Variants in KIF13A observed in about 807,000 individuals in gnomAD.
KIF13A encodes kinesin-like protein KIF13A.
Under a neutral mutation model 212.2 loss-of-function variants are expected in KIF13A, and 79 were observed. The ratio of observed to expected loss-of-function variants is 0.37; its 90% CI spans 0.31 to 0.45. The LOEUF is 0.45. KIF13A is among the 20% of genes least tolerant of loss of function. The pLI, the probability that KIF13A is intolerant of heterozygous loss-of-function variation, is 1.00. For synonymous variants in KIF13A, 789 were observed against 808.6 expected (o/e 0.98, Z 0.41); for missense variants, 1,901 against 2,209.0 (o/e 0.86, Z 2.79).
chr6:17,785,446 T>C lies in KIF13A; in HGVS notation c.3488+69A>G, dbSNP rs764691773. On this transcript the variant is annotated intron_variant, in intron 28 of 38. Coordinates refer to ENST00000259711, the MANE Select transcript of KIF13A (RefSeq NM_022113.6). This position sits in a 1 kb window ranked among gnomAD's most constrained non-coding sequence, Gnocchi z 5.8. ...TCTGTGACAATCCTGGAAAGTCTCT[T>C]GCATGGCTCTTGCCACAGGCGACCT... 6.3e-6 allele frequency: 9 copies of C among 1,429,828 alleles called. No individual in the cohort carries two copies. Among genetic ancestry groups the C allele is most frequent in the Middle Eastern group, 2.1e-4 (1 of 4,652 alleles). The allele number at this position is 1,429,828 out of a possible 1,614,324, so 88.6% of individuals were successfully genotyped here. A position where few individuals can be genotyped will look rare whatever the true frequency, so the allele number is the denominator to read the frequency against.
intron 23 of KIF13A, 98 bp downstream of exon 23, chr6:17,796,571 T>C: frequency 1.3e-6 from 1 of 796,488 alleles, no homozygotes; most frequent in East Asian, 3.0e-5. Context: ...AATGATTTTA[T>C]TTTTTTATAA....
intron 2 of KIF13A, among the ~76,000 whole-genome samples, chr6:17,972,964 C>T (rs1779948621): frequency 6.6e-6 from 1 of 152,098 alleles, no homozygotes. Context: ...TGAAGAGCCC[C>T]ATGGAATCAA....
At position 17,873,523 on chromosome 6, in the gene KIF13A, GAGA is replaced by G. The variant is rs1416643833; in HGVS notation, c.160-89_160-87del. On this transcript the variant is annotated intron_variant, in intron 3 of 38. Coordinates refer to ENST00000259711, the MANE Select transcript of KIF13A (RefSeq NM_022113.6). ...ACTAAAATAAATCACAGGTGAAGAT[GAGA>G]AGGATGGCCACTACTGTCTGACTGA... is the stretch of plus-strand genomic sequence containing the variant. The G allele has an allele frequency of 7.8e-6, 7 of 900,308 alleles. No individual in the cohort carries two copies. The African/African-American group carries it at 1.2e-4, about 15-fold the overall frequency. 55.8% of individuals were successfully genotyped at this position (900,308 alleles called of 1,614,324 possible).
At chr6:17,842,276 C>T (rs1766600756) in intron 9 of KIF13A, among the ~76,000 whole-genome samples, 1 of 151,990 alleles carries the variant, frequency 6.6e-6, no homozygotes, top group Non-Finnish European at 1.5e-5. Flanking sequence ...GTCTCGAACA[C>T]CTGGGCTCAA....
At chr6:17,821,991 G>C (rs185338097) in intron 16 of KIF13A, 27 of 1,429,300 alleles carry the variant, frequency 1.9e-5, no homozygotes, top group Non-Finnish European at 2.3e-5. Flanking sequence ...ATGCCCCAAA[G>C]GGAAGCTCCA....
intron 3 of KIF13A, among the ~76,000 whole-genome samples, chr6:17,876,931 G>A (rs576559495): frequency 3.3e-5 from 5 of 152,026 alleles, no homozygotes; most frequent in African/African-American, 7.2e-5. Flanking sequence ...CACTGTGCCC[G>A]GCCTGTATAT....
In KIF13A at chr6:17,967,399, A is replaced by G. The variant is rs532904933; in HGVS notation, c.146+19655T>C. ...ATCTTATATTTTCAAAGTGTTCAAC[A>G]GTGAATGGGCATCACATTTATAATT... On this transcript the variant is annotated intron_variant, in intron 2 of 38. Transcript: ENST00000259711. The surrounding 1 kb of genome is among the most constrained non-coding windows in gnomAD (Gnocchi z 4.1). 4.6e-5 allele frequency among the ~76,000 whole-genome samples: 7 copies of G among 152,346 alleles called. No individual in the cohort carries two copies. The South Asian group carries it at 1.5e-3, about 32-fold the overall frequency.
At chr6:17,938,067 AT>A (rs11335036) in intron 2 of KIF13A, among the ~76,000 whole-genome samples, 121,059 of 151,606 alleles carry the variant, frequency 0.8, 48,742 homozygotes, top group African/African-American at 0.89. Context: ...TAATTTTAAA[AT>A]TTTTTTTGTA....
At chr6:17,814,144 G>A (rs1002581981) in intron 17 of KIF13A, among the ~76,000 whole-genome samples, 1 of 151,658 alleles carries the variant, frequency 6.6e-6, no homozygotes, top group Non-Finnish European at 1.5e-5. Flanking sequence ...GTAGAGATGG[G>A]GTTTCACCTT....
Position 17,787,103 on chromosome 6 carries a change from T to G in KIF13A, c.3361+673A>C, listed in dbSNP as rs976558786. ...CAACAGTGGATAGGTGCTGACCTGCTAAGCGGTTTGGTTTCAGAAGTGACC... is the reference window on the plus strand; with the variant it reads ...CAACAGTGGATAGGTGCTGACCTGCGAAGCGGTTTGGTTTCAGAAGTGACC... On this transcript the variant is annotated intron_variant, in intron 27 of 38. Transcript: ENST00000259711. The surrounding 1 kb of genome is among the most constrained non-coding windows in gnomAD (Gnocchi z 4.6). Among the ~76,000 whole-genome samples the G allele has an allele frequency of 1.3e-5, 2 of 152,210 alleles. No individual in the cohort carries two copies. The highest frequency in any genetic ancestry group is 4.8e-5 in the African/African-American group (2 of 41,460).
At chr6:17,893,656 T>C (rs548946992) in intron 3 of KIF13A, among the ~76,000 whole-genome samples, 3 of 152,220 alleles carry the variant, frequency 2.0e-5, no homozygotes, top group African/African-American at 7.2e-5. Context: ...CTCGCCTTAT[T>C]CCCCATTTTA....
intron 3 of KIF13A, among the ~76,000 whole-genome samples, chr6:17,884,152 C>T (rs1771333581): frequency 6.6e-6 from 1 of 152,142 alleles, no homozygotes; most frequent in South Asian, 2.1e-4. Context: ...ATTATTGCCT[C>T]CTCTGGGCTG....
chr6:17,973,208 TG>T (rs1779973164), intron 2 of KIF13A, among the ~76,000 whole-genome samples: 1 of 152,214 alleles, frequency 6.6e-6, no homozygotes, highest in African/African-American at 2.4e-5. Flanking sequence ...ATAAAACAGC[TG>T]TATACCTTTA....
intron 2 of KIF13A, among the ~76,000 whole-genome samples, chr6:17,975,265 A>C (rs1402773871): frequency 6.6e-6 from 1 of 152,198 alleles, no homozygotes; most frequent in Non-Finnish European, 1.5e-5. Context: ...AGGCAGGAGA[A>C]TTGTTTGAAT....
chr6:17,851,939 A>T lies in KIF13A; in HGVS notation c.582+16T>A, dbSNP rs77900401. The T allele has an allele frequency of 2.7e-3, 3,547 of 1,331,438 alleles. 88 individuals are homozygous for T. The African/African-American group carries it at 0.055, about 21-fold the overall frequency. 82.5% of individuals were successfully genotyped at this position (1,331,438 alleles called of 1,614,324 possible). On this transcript the variant is annotated intron_variant, in intron 7 of 38. Coordinates refer to ENST00000259711, the MANE Select transcript of KIF13A (RefSeq NM_022113.6). Reference sequence around the variant, plus strand: ...TATAGTCAGCTTTTAATCACATTTTAAAAAAAATGACTTACCTCAAAACTA... The same window carrying T: ...TATAGTCAGCTTTTAATCACATTTTTAAAAAAATGACTTACCTCAAAACTA...
intron 2 of KIF13A, among the ~76,000 whole-genome samples, chr6:17,962,495 C>T (rs1020228828): frequency 2.0e-5 from 3 of 152,016 alleles, no homozygotes; most frequent in African/African-American, 4.8e-5. Context: ...ACAGATGACA[C>T]GGACCACAGA....
At chr6:17,944,350 G>C (rs1777204797) in intron 2 of KIF13A, among the ~76,000 whole-genome samples, 1 of 152,172 alleles carries the variant, frequency 6.6e-6, no homozygotes, top group Admixed American at 6.5e-5. Flanking sequence ...CCTGAGTTCA[G>C]TATGCCCCAA....
downstream of KIF13A, chr6:17,760,456 A>T (rs1193198613): frequency 6.0e-6 from 1 of 167,814 alleles, no homozygotes; most frequent in Non-Finnish European, 1.3e-5. Flanking sequence ...TATATTATTT[A>T]TAAAAAACAG....
chr6:17,941,641 G>A (rs921059288), intron 2 of KIF13A, among the ~76,000 whole-genome samples: 2 of 151,954 alleles, frequency 1.3e-5, no homozygotes, highest in African/African-American at 4.8e-5. Flanking sequence ...AAGTCTCAGA[G>A]GAAACCAAAC....
Sources: allele counts gnomAD v4.1 joint callset (sites outside exome capture counted in the v4.1 genomes callset), GRCh38; gene constraint gnomAD v4.1.1; non-coding constraint Gnocchi (gnomAD v3.1); transcripts MANE v1.5; gene names NCBI Gene and HGNC (gene_info 2026-07-23, HGNC 2026-07-21).